The following PCDHGA7 variants were observed in gnomAD, a reference collection of about 807,000 sequenced individuals.
PCDHGA7 encodes the protein protocadherin gamma-A7.
A neutral mutation model predicts 58.3 loss-of-function variants in PCDHGA7; 44 were observed. The observed-to-expected ratio is 0.75, with a 90% CI of 0.59 to 0.97. PCDHGA7 has a LOEUF of 0.97. Among genes scored for constraint, PCDHGA7 ranks in the 50% least tolerant of loss-of-function variants. The pLI is 0.00. For synonymous variants in PCDHGA7, 516 were observed against 504.2 expected (o/e 1.02, Z -0.31); for missense variants, 1,266 against 1,188.7 (o/e 1.06, Z -0.96).
At chr5:141,405,226 C>T (rs756970325) in intron 1 of PCDHGA7, 6 of 1,613,934 alleles carry the variant, frequency 3.7e-6, no homozygotes, top group Admixed American at 3.3e-5. Context: ...AGGAGTTCTC[C>T]CTCACCGCTG....
At position 141,431,684 on chromosome 5, in the gene PCDHGA7, C is replaced by A. The variant is rs1017231854; in HGVS notation, c.2424+46361C>A. On this transcript the variant is annotated intron_variant, in intron 1 of 3. Transcript: ENST00000518325. This position sits in a 1 kb window ranked among gnomAD's most constrained non-coding sequence, Gnocchi z 4.8. Reference sequence around the variant, plus strand: ...AATATCAACAATAGGGGAGTTGGACCACGAGGAGTCAGGATTCTACCAGAT... The same window carrying A: ...AATATCAACAATAGGGGAGTTGGACAACGAGGAGTCAGGATTCTACCAGAT... The A allele has an allele frequency of 1.9e-6, 3 of 1,614,186 alleles. No homozygotes were observed. Among genetic ancestry groups the A allele is most frequent in the Admixed American group, 1.7e-5 (1 of 60,032 alleles).
At chr5:141,433,607 G>T (rs1209706866) in intron 1 of PCDHGA7, among the ~76,000 whole-genome samples, 1 of 152,080 alleles carries the variant, frequency 6.6e-6, no homozygotes. Flanking sequence ...AGGCCGAGGC[G>T]GGTGGATCAC....
chr5:141,396,720 C>T (rs1432240411), intron 1 of PCDHGA7: 1 of 151,964 alleles, frequency 6.6e-6, no homozygotes, highest in Non-Finnish European at 1.5e-5. Flanking sequence ...AAGCTAATAC[C>T]TGAATTGATT....
Position 141,510,938 on chromosome 5 carries a change from T to A in PCDHGA7, c.2573-9T>A. 1 of 1,614,026 alleles carries A rather than the reference T, an allele frequency of 6.2e-7. No homozygotes were observed. Among genetic ancestry groups the A allele is most frequent in the Non-Finnish European group, 8.5e-7 (1 of 1,179,984 alleles). ...TTAGCTCCCACCTGATCTTCCTCTG[T>A]CTCTGCAGAAGCTGCTGATGGGAGC... On this transcript the variant is annotated splice_polypyrimidine_tract_variant and intron_variant, in intron 3 of 3. Coordinates refer to ENST00000518325, the MANE Select transcript of PCDHGA7 (RefSeq NM_018920.4).
chr5:141,462,682 G>T (rs560423384), intron 1 of PCDHGA7, among the ~76,000 whole-genome samples: 2 of 151,790 alleles, frequency 1.3e-5, no homozygotes, highest in Non-Finnish European at 2.9e-5. Context: ...TTAAATTTTT[G>T]AGCACATTTA....
At chr5:141,430,811 A>T in intron 1 of PCDHGA7, 1 of 1,527,400 alleles carries the variant, frequency 6.5e-7, no homozygotes, top group Non-Finnish European at 8.8e-7. Context: ...CCTGCTGGGA[A>T]TCCTCCTGGG....
At chr5:141,461,388 A>T (rs1025976806) in intron 1 of PCDHGA7, among the ~76,000 whole-genome samples, 5 of 152,164 alleles carry the variant, frequency 3.3e-5, no homozygotes, top group Admixed American at 6.5e-5. Context: ...CCTGATGATT[A>T]GCGATGTTGA....
intron 1 of PCDHGA7, chr5:141,422,889 G>A (rs62378455): frequency 0.035 from 55,863 of 1,614,202 alleles, 1,109 homozygotes; most frequent in Middle Eastern, 0.098. Context: ...TGTTCGTGCT[G>A]GACCAGAACG....
At chr5:141,472,855 A>C (rs1179268125) in intron 1 of PCDHGA7, among the ~76,000 whole-genome samples, 3 of 151,078 alleles carry the variant, frequency 2.0e-5, no homozygotes, top group African/African-American at 7.3e-5. Flanking sequence ...GCATGGTGGC[A>C]CATGCCTGTA....
In PCDHGA7 at chr5:141,383,405, G is replaced by C. The variant is rs189408749; in HGVS notation, c.506G>C (p.Ser169Thr). 11 of 1,613,898 alleles carry C rather than the reference G, an allele frequency of 6.8e-6. No homozygotes were observed. The highest frequency in any genetic ancestry group is 8.5e-6 in the Non-Finnish European group (10 of 1,179,912). ...DPDVGTNSLQSYQLSPNRHFS... is the reference protein window; with the variant it reads ...DPDVGTNSLQTYQLSPNRHFS... ...GATGTGGGCACGAACTCCCTCCAGA[G>C]TTACCAGCTCAGCCCCAATCGCCAC... The change falls in exon 1 of 4, where the codon AGT becomes ACT. Residue 169 changes from serine to threonine, a missense_variant. By Grantham distance (58) the Ser-to-Thr change is moderately conservative (BLOSUM62 1). Coordinates refer to ENST00000518325, the MANE Select transcript of PCDHGA7 (RefSeq NM_018920.4).
In PCDHGA7 at chr5:141,385,021, G is replaced by A. The variant is rs556987681; in HGVS notation, c.2122G>A (p.Val708Ile). The change falls in exon 1 of 4, where the codon GTC becomes ATC. Residue 708 changes from valine to isoleucine, a missense_variant. By Grantham distance (29) the Val-to-Ile change is conservative (BLOSUM62 3). Coordinates refer to ENST00000518325, the MANE Select transcript of PCDHGA7 (RefSeq NM_018920.4). ...AGTCTCCTGCGTCTTCCTAGCCTTC[G>A]TCCTCGTACTGCTGGCGCTCAGGCT... ...ATVSCVFLAF[V>I]LVLLALRLRR... 4.4e-5 allele frequency: 71 copies of A among 1,614,120 alleles called. No individual in the cohort carries two copies. The East Asian group carries it at 1.5e-3, about 35-fold the overall frequency.
chr5:141,405,203 C>T, intron 1 of PCDHGA7: 2 of 1,613,520 alleles, frequency 1.2e-6, no homozygotes, highest in Non-Finnish European at 1.7e-6. Context: ...AGCTTTCCTA[C>T]AGACCTATTC....
intron 1 of PCDHGA7, chr5:141,398,353 A>G: frequency 2.9e-6 from 4 of 1,397,978 alleles, no homozygotes; most frequent in Non-Finnish European, 4.0e-6. Flanking sequence ...GCCTTACTTC[A>G]CCGTGAGCGC....
chr5:141,491,368 A>G lies in PCDHGA7; in HGVS notation c.2425-3439A>G. ...CAGTCTCTTATCCCTAGTCACCTTC[A>G]CCTTTCTGTCAGCGAAGTGCCTTCA... On this transcript the variant is annotated intron_variant, in intron 1 of 3. Transcript: ENST00000518325. This position sits in a 1 kb window ranked among gnomAD's most constrained non-coding sequence, Gnocchi z 6.9. 6.2e-7 allele frequency: 1 copy of G among 1,613,842 alleles called. No homozygotes were observed. The highest frequency in any genetic ancestry group is 8.5e-7 in the Non-Finnish European group (1 of 1,179,940).
At chr5:141,484,454 G>T (rs932663778) in intron 1 of PCDHGA7, among the ~76,000 whole-genome samples, 2 of 152,212 alleles carry the variant, frequency 1.3e-5, no homozygotes, top group Non-Finnish European at 2.9e-5. Context: ...AATTGGCTAC[G>T]TTAATGTGTA....
At position 141,486,960 on chromosome 5, in the gene PCDHGA7, T is replaced by C; in HGVS notation, c.2425-7847T>C. On this transcript the variant is annotated intron_variant, in intron 1 of 3. Transcript: ENST00000518325. The surrounding 1 kb of genome is among the most constrained non-coding windows in gnomAD (Gnocchi z 5.0). Reference sequence around the variant, plus strand: ...CACCTAATCACAAAGGTGACTGCTGTGGACTTGGATTCAGGTTACAATGCT... The same window carrying C: ...CACCTAATCACAAAGGTGACTGCTGCGGACTTGGATTCAGGTTACAATGCT... The C allele has an allele frequency of 6.2e-7, 1 of 1,614,228 alleles. No individual in the cohort carries two copies. Among genetic ancestry groups the C allele is most frequent in the Non-Finnish European group, 8.5e-7 (1 of 1,180,034 alleles).
intron 1 of PCDHGA7, among the ~76,000 whole-genome samples, chr5:141,463,944 T>C (rs1454454223): frequency 3.3e-5 from 5 of 152,158 alleles, no homozygotes; most frequent in African/African-American, 4.8e-5. Flanking sequence ...TTTATAGAAA[T>C]CTTCATTTTT....
In PCDHGA7 at chr5:141,487,605, A is replaced by G. The variant is rs202066746; in HGVS notation, c.2425-7202A>G. Reference sequence around the variant, plus strand: ...AGCTGCCCACCCTCTGATCTTCTCTATGGGCTAGAGGTGAGACCTTTGCAG... The same window carrying G: ...AGCTGCCCACCCTCTGATCTTCTCTGTGGGCTAGAGGTGAGACCTTTGCAG... On this transcript the variant is annotated intron_variant, in intron 1 of 3. Transcript: ENST00000518325. The surrounding 1 kb of genome is among the most constrained non-coding windows in gnomAD (Gnocchi z 5.0). 8.7e-6 allele frequency: 14 copies of G among 1,614,008 alleles called. No individual in the cohort carries two copies. In the South Asian group the frequency reaches 8.8e-5, roughly 10 times the overall value.
chr5:141,488,672 G>A (rs1012955473), intron 1 of PCDHGA7, among the ~76,000 whole-genome samples: 20 of 152,208 alleles, frequency 1.3e-4, no homozygotes, highest in African/African-American at 4.8e-4. Context: ...GAATACATGG[G>A]CTTTGCCTCT....
Sources: gnomAD v4.1 joint callset for allele counts (sites outside exome capture counted in the v4.1 genomes callset) on GRCh38, gnomAD v4.1.1 for gene constraint, Gnocchi (gnomAD v3.1) non-coding constraint, MANE v1.5 for transcripts, NCBI Gene and HGNC (gene_info 2026-07-23, HGNC 2026-07-21) for gene names.